The following SLC4A11 variants were observed in gnomAD, a reference collection of about 807,000 sequenced individuals.
SLC4A11 encodes bicarbonate transporter related protein 1.
SLC4A11 carries 74 observed loss-of-function variants against 95.0 expected under a neutral mutation model. The observed-to-expected ratio is 0.78, with a 90% CI of 0.65 to 0.95. The LOEUF is 0.95. Among genes scored for constraint, SLC4A11 ranks in the 40% least tolerant of loss-of-function variants. SLC4A11 has a pLI of 0.00. For missense variants in SLC4A11, 1,081 were observed against 1,192.4 expected (o/e 0.91, Z 1.38); for synonymous variants, 548 against 519.0 (o/e 1.06, Z -0.76).
At position 3,229,159 on chromosome 20, in the gene SLC4A11, G is replaced by A. The variant is rs143520364; in HGVS notation, c.1954C>T (p.Leu652=). 7.4e-6 allele frequency: 12 copies of A among 1,610,748 alleles called. No individual in the cohort carries two copies. In the African/African-American group the frequency reaches 1.3e-4, roughly 18 times the overall value. Residue 652 remains leucine (L), a synonymous_variant, in exon 16 of 20, where the codon CTG becomes TTG. Transcript: ENST00000642402. ...VSGAMGLGFL[L]SMLFFIEQNL... ...TGCTCGATGAAGAAGAGCATGGACA[G>A]CAGGAAGCCGAGGCCCATGGCACCG...
In SLC4A11 at chr20:3,234,572, C is replaced by A; in HGVS notation, c.287G>T (p.Arg96Leu). 6.2e-7 allele frequency: 1 copy of A among 1,613,810 alleles called. No homozygotes were observed. The change falls in exon 4 of 20, where the codon CGA becomes CTA. Residue 96 changes from arginine to leucine, a missense_variant. Physicochemically the swap from Arg to Leu is moderately radical, Grantham distance 102. This residue lies in a region of SLC4A11 where 310 missense variants were observed against 313.5 expected (regional missense o/e 0.99). Transcript: ENST00000642402. The surrounding 1 kb of genome is among the most constrained non-coding windows in gnomAD (Gnocchi z 5.8). ...SGGCVLLHTS[R>L]KYLKLKNFKE... ...CCTGCAGGACAGGCCATTCACCTTT[C>A]GGGAGGTGTGCAGGAGCACACAGCC...
chr20:3,237,438 G>A, intron 2 of SLC4A11, 106 bp downstream of exon 2: 1 of 1,187,340 alleles, frequency 8.4e-7, no homozygotes, highest in South Asian at 1.2e-5. Context: ...GAGTGGCCCA[G>A]ATAGGCGAGC....
chr20:3,238,806 A>G, intron 1 of SLC4A11: 2 of 1,155,738 alleles, frequency 1.7e-6, no homozygotes, highest in Non-Finnish European at 2.1e-6. Context: ...CCCACTTTCG[A>G]GCTCCCCGCC....
chr20:3,239,111 G>A lies in SLC4A11; in HGVS notation c.27C>T (p.Phe9=). Residue 9 remains phenylalanine, a synonymous_variant, in exon 1 of 20, where the codon TTC becomes TTT. Transcript: ENST00000642402. ...GGCACCCACCGCACGGCTGCAGATGGAACACGCGCCTGGTGGCCGCGGCCA... is the reference window on the plus strand; with the variant it reads ...GGCACCCACCGCACGGCTGCAGATGAAACACGCGCCTGGTGGCCGCGGCCA... MAAATRRV[F]HLQPCENSPT... is the part of the protein sequence containing the mutation. The A allele has an allele frequency of 6.8e-7, 1 of 1,477,518 alleles. No individual in the cohort carries two copies. The highest frequency in any genetic ancestry group is 8.9e-7 in the Non-Finnish European group (1 of 1,118,880). The allele number at this position is 1,477,518 out of a possible 1,614,324, so 91.5% of individuals were successfully genotyped here.
At chr20:3,228,185 C>T in intron 19 of SLC4A11, 74 bp downstream of exon 19, 1 of 1,538,374 alleles carries the variant, frequency 6.5e-7, no homozygotes, top group Non-Finnish European at 8.8e-7. Context: ...CCCCTCCTCC[C>T]AGCCGCTGCC....
intron 2 of SLC4A11, among the ~76,000 whole-genome samples, chr20:3,235,681 C>T (rs1238710223): frequency 6.6e-6 from 1 of 152,070 alleles, no homozygotes; most frequent in Non-Finnish European, 1.5e-5. Flanking sequence ...GCCAGCAGCA[C>T]ACCCCTCTTC....
At chr20:3,232,343 G>C (rs912134454) in intron 7 of SLC4A11, among the ~76,000 whole-genome samples, 1 of 152,280 alleles carries the variant, frequency 6.6e-6, no homozygotes, top group Non-Finnish European at 1.5e-5. Flanking sequence ...CCTAGGGGCA[G>C]TGTCTGCCCG....
At chr20:3,236,607 CA>C (rs2067989975) in intron 2 of SLC4A11, among the ~76,000 whole-genome samples, 1 of 149,282 alleles carries the variant, frequency 6.7e-6, no homozygotes, top group South Asian at 2.1e-4. Context: ...CAAAACAAAA[CA>C]AAACAAAAGA....
In SLC4A11 at chr20:3,233,855, A is replaced by T. The variant is rs2067867092; in HGVS notation, c.605+66T>A. Reference sequence around the variant, plus strand: ...ACAGGTGGGCTGGCCTCTGCAGGGCACAGGGGACATGGGACACCCAGTTCC... The same window carrying T: ...ACAGGTGGGCTGGCCTCTGCAGGGCTCAGGGGACATGGGACACCCAGTTCC... On this transcript the variant is annotated intron_variant, in intron 6 of 19. Transcript: ENST00000642402. 7.0e-6 allele frequency: 11 copies of T among 1,580,630 alleles called. No individual in the cohort carries two copies. In the South Asian group the frequency reaches 1.2e-4, roughly 17 times the overall value.
Position 3,229,483 on chromosome 20 carries a change from T to C in SLC4A11, c.1743-31A>G. ...GACAGCAGGTGCATGAGCACAGCCT[T>C]TGACCCATGCGGCCCCTCCCCTCCC... On this transcript the variant is annotated intron_variant, in intron 14 of 19. Transcript: ENST00000642402. 4 of 1,612,924 alleles carry C rather than the reference T, an allele frequency of 2.5e-6. No homozygotes were observed. The South Asian group carries it at 3.3e-5, about 13-fold the overall frequency.
At position 3,228,336 on chromosome 20, in the gene SLC4A11, C is replaced by T. The variant is rs1420236362; in HGVS notation, c.2481G>A (p.Leu827=). The T allele has an allele frequency of 9.3e-6, 15 of 1,613,074 alleles. No individual in the cohort carries two copies. Among genetic ancestry groups the T allele is most frequent in the East Asian group, 6.7e-5 (3 of 44,858 alleles). The part of the protein sequence containing the change: ...TGLQVLQLLL[L]CAFGMSSLPY... ...GCAGGGAGCTCATGCCGAAGGCACA[C>T]AGCAGCAGCAGCTGAAGCACCTGCA... The change falls in exon 19 of 20, where the codon CTG becomes CTA. Residue 827 remains leucine, a synonymous_variant. Transcript: ENST00000642402.
chr20:3,239,534 C>G, upstream of SLC4A11: 7 of 990,728 alleles, frequency 7.1e-6, no homozygotes, highest in Non-Finnish European at 8.4e-6. Context: ...ACGAGCCCAC[C>G]GAGCTGTGCG....
At position 3,230,651 on chromosome 20, in the gene SLC4A11, C is replaced by T; in HGVS notation, c.1283-4G>A. 6.2e-7 allele frequency: 1 copy of T among 1,613,368 alleles called. No homozygotes were observed. ...TCATCACAGATGACACGAATCACTG[C>T]AGGCAGGGGGCAGGGCGGGTCAGGG... On this transcript the variant is annotated splice_polypyrimidine_tract_variant and splice_region_variant and intron_variant, in intron 11 of 19. Transcript: ENST00000642402.
In SLC4A11 at chr20:3,234,704, T is replaced by C; in HGVS notation, c.241+38A>G. 6.2e-7 allele frequency: 1 copy of C among 1,613,830 alleles called. No homozygotes were observed. Among genetic ancestry groups the C allele is most frequent in the Non-Finnish European group, 8.5e-7 (1 of 1,179,986 alleles). ...GGCGAGTCACACCTGCCCAGTCCCGTGCCTTCCCCCAGTCTGCCCCTGCTG... is the reference window on the plus strand; with the variant it reads ...GGCGAGTCACACCTGCCCAGTCCCGCGCCTTCCCCCAGTCTGCCCCTGCTG... On this transcript the variant is annotated intron_variant, in intron 3 of 19. Transcript: ENST00000642402. This position sits in a 1 kb window ranked among gnomAD's most constrained non-coding sequence, Gnocchi z 5.8.
rs2067862065 is a variant in SLC4A11 at position 3,233,717 on chromosome 20, T to G, written c.606-80A>C. ...CCCCGACCCAGAACCCCCTCGACCTTGACCCCTGGCGACCTCTGCTAGGGA... is the reference window on the plus strand; with the variant it reads ...CCCCGACCCAGAACCCCCTCGACCTGGACCCCTGGCGACCTCTGCTAGGGA... On this transcript the variant is annotated intron_variant, in intron 6 of 19. Coordinates refer to ENST00000642402, the MANE Select transcript of SLC4A11 (RefSeq NM_001174089.2). 6.9e-6 allele frequency: 11 copies of G among 1,595,626 alleles called. No homozygotes were observed. The South Asian group carries it at 1.1e-4, about 16-fold the overall frequency.
intron 1 of SLC4A11, chr20:3,238,295 G>A (rs1364693545): frequency 8.0e-7 from 1 of 1,248,608 alleles, no homozygotes; most frequent in Non-Finnish European, 1.0e-6. Flanking sequence ...GTGCCTCGCT[G>A]TCGGAGGAAG....
In SLC4A11 at chr20:3,234,203, C is replaced by T. The variant is rs1053242342; in HGVS notation, c.403G>A (p.Val135Met). The change falls in exon 5 of 20, where the codon GTG becomes ATG. Residue 135 changes from valine to methionine, a missense_variant. Val to Met is a conservative substitution (Grantham distance 21, BLOSUM62 1). This residue lies in a region of SLC4A11 where 310 missense variants were observed against 313.5 expected (regional missense o/e 0.99). Coordinates refer to ENST00000642402, the MANE Select transcript of SLC4A11 (RefSeq NM_001174089.2). The surrounding 1 kb of genome is among the most constrained non-coding windows in gnomAD (Gnocchi z 5.8). ...AAGCGGCGAAGCATGGTCCGCAGCACGTTATCCAGGGAGGTGGCCGTCTCG... is the reference window on the plus strand; with the variant it reads ...AAGCGGCGAAGCATGGTCCGCAGCATGTTATCCAGGGAGGTGGCCGTCTCG... The part of the protein sequence containing the change: ...LNETATSLDN[V>M]LRTMLRRFAR... 5.0e-6 allele frequency: 8 copies of T among 1,614,000 alleles called. No individual in the cohort carries two copies. Among genetic ancestry groups the T allele is most frequent in the African/African-American group, 1.3e-5 (1 of 74,928 alleles).
chr20:3,235,387 G>A (rs1216809585), intron 2 of SLC4A11, among the ~76,000 whole-genome samples: 1 of 146,826 alleles, frequency 6.8e-6, no homozygotes, highest in Non-Finnish European at 1.5e-5. Context: ...TTAGAGCTCC[G>A]CCTCCCCAGG....
intron 1 of SLC4A11, 58 bp downstream of exon 1, chr20:3,239,037 A>G: frequency 6.9e-7 from 1 of 1,454,822 alleles, no homozygotes; most frequent in Non-Finnish European, 9.0e-7. Flanking sequence ...CCCCGACGGG[A>G]GACGGTGGCG....
Sources: gnomAD v4.1 joint callset for allele counts (sites outside exome capture counted in the v4.1 genomes callset) on GRCh38, gnomAD v4.1.1 for gene constraint, gnomAD v4.1.1 regional missense constraint, Gnocchi (gnomAD v3.1) non-coding constraint, MANE v1.5 for transcripts, NCBI Gene and HGNC (gene_info 2026-07-23, HGNC 2026-07-21) for gene names.